The following CDCA7 variants were observed in gnomAD, a reference collection of about 807,000 sequenced individuals.
CDCA7 encodes the protein cell division cycle associated 7.
A neutral mutation model predicts 54.0 loss-of-function variants in CDCA7; 28 were observed. That is an observed-to-expected ratio of 0.52 (90% CI 0.38 to 0.71). CDCA7 has a LOEUF of 0.71. CDCA7 is among the 30% of genes least tolerant of loss of function. CDCA7 has a pLI of 0.00. For synonymous variants in CDCA7, 180 were observed against 208.2 expected (o/e 0.86, Z 1.16); for missense variants, 484 against 586.0 (o/e 0.83, Z 1.80).
At chr2:173,355,124 C>G (rs1190174818) in intron 1 of CDCA7, 140 bp downstream of exon 1, 1 of 1,030,822 alleles carries the variant, frequency 9.7e-7, no homozygotes, top group Non-Finnish European at 1.3e-6. Context: ...CTTGGGCAAG[C>G]CCCTGATTTT....
chr2:173,359,312 T>C lies in CDCA7; in HGVS notation c.205T>C (p.Ser69Pro). The change falls in exon 3 of 10, where the codon TCT (serine) becomes CCT (proline). Residue 69 changes from serine to proline, a missense_variant. Physicochemically the swap from Ser to Pro is moderately conservative, Grantham distance 74. Coordinates refer to ENST00000306721, the MANE Select transcript of CDCA7 (RefSeq NM_031942.5). ...ACTGGCAAATGTTTTTTATGAGGACTCTGATAATGAATCTTTCTGCGGCTT... is the reference window on the plus strand; with the variant it reads ...ACTGGCAAATGTTTTTTATGAGGACCCTGATAATGAATCTTTCTGCGGCTT... ...EELANVFYEDSDNESFCGFSE... is the reference protein window; with the variant it reads ...EELANVFYEDPDNESFCGFSE... 5 of 1,614,238 alleles carry C rather than the reference T, an allele frequency of 3.1e-6. No homozygotes were observed. The highest frequency in any genetic ancestry group is 1.1e-5 in the South Asian group (1 of 91,082).
intron 3 of CDCA7, among the ~76,000 whole-genome samples, chr2:173,360,747 G>C (rs1281075137): frequency 2.6e-5 from 4 of 152,170 alleles, no homozygotes; most frequent in Non-Finnish European, 5.9e-5. Context: ...AAAGTGCTGG[G>C]ATTACAGCCA....
chr2:173,364,384 T>G lies in CDCA7; in HGVS notation c.700-411T>G, dbSNP rs190230020. ...TGTGTCTGCTGTGATAGAAAAGATT[T>G]CTTTTTCCTGGCTTTCCCTGAGGAA... On this transcript the variant is annotated intron_variant, in intron 5 of 9. Transcript: ENST00000306721. 1.0e-3 allele frequency: 173 copies of G among 165,480 alleles called. No individual in the cohort carries two copies. In the Middle Eastern group the frequency reaches 0.011, roughly 11 times the overall value. The allele number at this position is 165,480 out of a possible 1,614,324, so 10.3% of individuals were successfully genotyped here.
rs1271062907 is a variant in CDCA7 at position 173,363,447 on chromosome 2, G to A, written c.606G>A (p.Lys202=). Residue 202 remains lysine (K), a synonymous_variant, in exon 4 of 10, where the codon AAG becomes AAA. Coordinates refer to ENST00000306721, the MANE Select transcript of CDCA7 (RefSeq NM_031942.5). ...NFLEKRALNI[K]QNKAMLAKLM... ...TGGAGAAAAGGGCTTTAAATATAAA[G>A]CAAAACAAAGCAATGGTAGGTATCT... is the stretch of plus-strand genomic sequence containing the variant. 1 of 1,613,534 alleles carries A rather than the reference G, an allele frequency of 6.2e-7. No homozygotes were observed. The highest frequency in any genetic ancestry group is 1.7e-5 in the Admixed American group (1 of 60,018).
At position 173,354,934 on chromosome 2, in the gene CDCA7, C is replaced by T. The variant is rs1574211660; in HGVS notation, c.-30C>T. The T allele has an allele frequency of 6.8e-7, 1 of 1,478,822 alleles. No individual in the cohort carries two copies. Among genetic ancestry groups the T allele is most frequent in the East Asian group, 3.0e-5 (1 of 33,544 alleles). The allele number at this position is 1,478,822 out of a possible 1,614,324, so 91.6% of individuals were successfully genotyped here. A position where few individuals can be genotyped will look rare whatever the true frequency, so the allele number is the denominator to read the frequency against. ...CGCGGCTGCTCCGCTCTCCCCGCTC[C>T]AAGCGCCGATCTGGGCACCCGCCAC... On this transcript the variant is annotated 5_prime_UTR_variant, in exon 1 of 10. Coordinates refer to ENST00000306721, the MANE Select transcript of CDCA7 (RefSeq NM_031942.5).
rs1337084774 is a variant in CDCA7, at chr2:173,366,882, AG to A, written c.1186-265del. 1.3e-5 allele frequency among the ~76,000 whole-genome samples: 2 copies of A among 152,100 alleles called. No individual in the cohort carries two copies. Among genetic ancestry groups the A allele is most frequent in the African/African-American group, 4.8e-5 (2 of 41,428 alleles). ...TAATTCAGAACACAAATGAATTCAG[AG>A]GGATGGTGCTGCATAGGCATGAGCC... is the stretch of plus-strand genomic sequence containing the variant. On this transcript the variant is annotated intron_variant, in intron 8 of 9. Coordinates refer to ENST00000306721, the MANE Select transcript of CDCA7 (RefSeq NM_031942.5). This position sits in a 1 kb window ranked among gnomAD's most constrained non-coding sequence, Gnocchi z 4.5.
chr2:173,355,306 C>G (rs962158444), intron 1 of CDCA7, among the ~76,000 whole-genome samples: 1 of 152,222 alleles, frequency 6.6e-6, no homozygotes, highest in Non-Finnish European at 1.5e-5. Context: ...TGGCCGGTCC[C>G]GATTTTGCCT....
intron 3 of CDCA7, among the ~76,000 whole-genome samples, 171 bp downstream of exon 3, chr2:173,359,662 TAG>T (rs1308619614): frequency 2.6e-5 from 4 of 152,254 alleles, no homozygotes; most frequent in Non-Finnish European, 5.9e-5. Context: ...TTTACTAATG[TAG>T]TCGGACTTAC....
chr2:173,355,051 C>T (rs1377061112), intron 1 of CDCA7, 67 bp downstream of exon 1: 24 of 1,279,074 alleles, frequency 1.9e-5, no homozygotes, highest in Non-Finnish European at 2.3e-5. Context: ...GGGCGCGGGC[C>T]GACCCTCTCC....
chr2:173,364,512 T>G (rs915656941), intron 5 of CDCA7: 9 of 256,936 alleles, frequency 3.5e-5, no homozygotes, highest in African/African-American at 2.1e-4. Flanking sequence ...GAAAATTTTT[T>G]TTTTTAGAAC....
At position 173,366,155 on chromosome 2, in the gene CDCA7, G is replaced by T; in HGVS notation, c.1036-128G>T. On this transcript the variant is annotated intron_variant, in intron 7 of 9. Coordinates refer to ENST00000306721, the MANE Select transcript of CDCA7 (RefSeq NM_031942.5). The surrounding 1 kb of genome is among the most constrained non-coding windows in gnomAD (Gnocchi z 4.5). Reference sequence around the variant, plus strand: ...ATTTTTCATACCCTGGCATATACATGTGTATGTAGAGATTCATAGACAAAA... The same window carrying T: ...ATTTTTCATACCCTGGCATATACATTTGTATGTAGAGATTCATAGACAAAA... 1 of 1,061,854 alleles carries T rather than the reference G, an allele frequency of 9.4e-7. No homozygotes were observed. The allele number at this position is 1,061,854 out of a possible 1,614,324, so 65.8% of individuals were successfully genotyped here.
At position 173,358,329 on chromosome 2, in the gene CDCA7, A is replaced by G. The variant is rs572776381; in HGVS notation, c.22-383A>G. Among the ~76,000 whole-genome samples, 3 of 152,230 alleles carry G rather than the reference A, an allele frequency of 2.0e-5. No homozygotes were observed. In the South Asian group the frequency reaches 6.2e-4, roughly 32 times the overall value. On this transcript the variant is annotated intron_variant, in intron 1 of 9. Transcript: ENST00000306721. Reference sequence around the variant, plus strand: ...GATCACTTGAGCCCAGGAGTTTGAGACCAACCTGGGCAACATAGCAAGACC... The same window carrying G: ...GATCACTTGAGCCCAGGAGTTTGAGGCCAACCTGGGCAACATAGCAAGACC...
chr2:173,361,166 C>T (rs943295476), intron 3 of CDCA7, among the ~76,000 whole-genome samples: 4 of 152,104 alleles, frequency 2.6e-5, no homozygotes, highest in Non-Finnish European at 5.9e-5. Flanking sequence ...TGTGAATCAG[C>T]CACATTTGAT....
Position 173,357,283 on chromosome 2 carries a change from C to A in CDCA7, c.22-1429C>A, listed in dbSNP as rs190779404. The stretch of plus-strand genomic sequence containing the variant: ...GTATTTATGAATGAATGAAGCATTT[C>A]TATGTAAGTAATTTGCACTTTATAA... On this transcript the variant is annotated intron_variant, in intron 1 of 9. Transcript: ENST00000306721. 3.9e-5 allele frequency among the ~76,000 whole-genome samples: 6 copies of A among 152,114 alleles called. No homozygotes were observed. In the East Asian group the frequency reaches 1.2e-3, roughly 29 times the overall value.
At chr2:173,359,032 C>T (rs1289705275) in intron 2 of CDCA7, among the ~76,000 whole-genome samples, 195 bp downstream of exon 2, 1 of 152,162 alleles carries the variant, frequency 6.6e-6, no homozygotes, top group Non-Finnish European at 1.5e-5. Context: ...AGATTAGCTA[C>T]TTATTCTATC....
intron 3 of CDCA7, among the ~76,000 whole-genome samples, 189 bp from the exon 4 acceptor site, chr2:173,363,037 A>T (rs571682044): frequency 6.6e-6 from 1 of 152,302 alleles, no homozygotes; most frequent in African/African-American, 2.4e-5. Context: ...TGTGGTCCAG[A>T]TGGGCTACAT....
At chr2:173,363,795 A>G in intron 4 of CDCA7, 23 bp from the exon 5 acceptor site, 1 of 1,609,660 alleles carries the variant, frequency 6.2e-7, no homozygotes, top group African/African-American at 1.3e-5. Flanking sequence ...CAATGATATC[A>G]GTTTAATTTC....
chr2:173,365,136 C>T, intron 6 of CDCA7, 147 bp downstream of exon 6: 3 of 1,311,782 alleles, frequency 2.3e-6, no homozygotes, highest in Non-Finnish European at 3.0e-6. Flanking sequence ...GTAAACGTCA[C>T]ATAAGCTTAC....
chr2:173,360,625 A>G (rs2106389292), intron 3 of CDCA7, among the ~76,000 whole-genome samples: 1 of 152,140 alleles, frequency 6.6e-6, no homozygotes, highest in Admixed American at 6.5e-5. Context: ...ACAGGCGTGT[A>G]CCACCATGCC....
Sources: allele counts gnomAD v4.1 joint callset (sites outside exome capture counted in the v4.1 genomes callset), GRCh38; gene constraint gnomAD v4.1.1; non-coding constraint Gnocchi (gnomAD v3.1); transcripts MANE v1.5; gene names NCBI Gene and HGNC (gene_info 2026-07-23, HGNC 2026-07-21).